Variants in GCC2 observed in about 807,000 individuals in gnomAD.
The protein encoded by GCC2 is GRIP and coiled-coil domain containing 2.
In GCC2, 120 loss-of-function variants were observed where a neutral mutation model predicts 210.6. The ratio of observed to expected loss-of-function variants is 0.57; its 90% CI spans 0.49 to 0.66. The LOEUF (loss-of-function observed/expected upper bound fraction) is 0.66, where lower values mean the gene tolerates loss of function less well. GCC2 is among the 30% of genes least tolerant of loss of function. The pLI is 0.00. For missense variants in GCC2, 1,868 were observed against 1,871.9 expected (o/e 1.00, Z 0.04); for synonymous variants, 703 against 652.7 (o/e 1.08, Z -1.17).
chr2:108,504,767 T>C (rs1374650569), intron 22 of GCC2, among the ~76,000 whole-genome samples: 1 of 152,198 alleles, frequency 6.6e-6, no homozygotes, highest in Non-Finnish European at 1.5e-5. Context: ...CATTTTTCTA[T>C]ATCTTCTTTG....
At position 108,471,857 on chromosome 2, in the gene GCC2, T is replaced by C; in HGVS notation, c.2528T>C (p.Leu843Ser). The C allele has an allele frequency of 6.2e-7, 1 of 1,613,178 alleles. No homozygotes were observed. The highest frequency in any genetic ancestry group is 1.7e-5 in the Admixed American group (1 of 59,876). ...GACTATGAGCAAGAGAAAGTTCTCT[T>C]AAGGAAAGAGTTAGAAGAAATACAG... ...LRDYEQEKVL[L>S]RKELEEIQSE... The change falls in exon 6 of 23, where the codon TTA becomes TCA. Residue 843 changes from leucine to serine, a missense_variant. Leu to Ser is a moderately radical substitution (Grantham distance 145). Transcript: ENST00000309863.
intron 22 of GCC2, among the ~76,000 whole-genome samples, chr2:108,501,149 G>C (rs918144141): frequency 7.9e-5 from 12 of 151,672 alleles, no homozygotes; most frequent in Non-Finnish European, 1.3e-4. Flanking sequence ...ATGCACGCCA[G>C]CTAATTTTTC....
At chr2:108,464,211 A>G (rs1358977842) in intron 4 of GCC2, among the ~76,000 whole-genome samples, 1 of 152,168 alleles carries the variant, frequency 6.6e-6, no homozygotes, top group African/African-American at 2.4e-5. Context: ...ATAGGTAGGC[A>G]GCATCACCTG....
chr2:108,485,902 C>A lies in GCC2; in HGVS notation c.3786C>A (p.Val1262=). The change falls in exon 15 of 23, where the codon GTC becomes GTA. Residue 1262 remains valine, a synonymous_variant. Transcript: ENST00000309863. ...ELEASQQQVE[V]YKIQLAEITS... ...AGGCAAGCCAGCAGCAAGTAGAAGTCTATAAAGTAAGGGTTTTACTTTTTA... is the reference window on the plus strand; with the variant it reads ...AGGCAAGCCAGCAGCAAGTAGAAGTATATAAAGTAAGGGTTTTACTTTTTA... 6.5e-7 allele frequency: 1 copy of A among 1,541,940 alleles called. No homozygotes were observed.
In GCC2 at chr2:108,471,144, T is replaced by C. The variant is rs1681192459; in HGVS notation, c.1815T>C (p.Asn605=). The change falls in exon 6 of 23, where the codon AAT becomes AAC. Residue 605 remains asparagine (N), a synonymous_variant. Coordinates refer to ENST00000309863, the MANE Select transcript of GCC2 (RefSeq NM_181453.4). ...ATGATTTTATAAATAAACTGAAAAA[T>C]TCCCATGAAGAAATGGATAATTTCC... is the stretch of plus-strand genomic sequence containing the variant. ...EKDDFINKLK[N]SHEEMDNFHK... is the part of the protein sequence containing the mutation. 1 of 1,589,888 alleles carries C rather than the reference T, an allele frequency of 6.3e-7. No individual in the cohort carries two copies. Among genetic ancestry groups the C allele is most frequent in the Admixed American group, 1.7e-5 (1 of 58,160 alleles).
intron 7 of GCC2, chr2:108,475,278 A>AT (rs1681448664): frequency 4.2e-6 from 1 of 238,460 alleles, no homozygotes; most frequent in African/African-American, 2.3e-5. Flanking sequence ...AAAGCCTCTA[A>AT]TTCCTGGAAA....
Position 108,453,186 on chromosome 2 carries a change from A to G in GCC2, c.216+720A>G, listed in dbSNP as rs556712048. 3.9e-5 allele frequency among the ~76,000 whole-genome samples: 6 copies of G among 152,268 alleles called. 1 individual carries two copies. Among genetic ancestry groups the G allele is most frequent in the Admixed American group, 3.9e-4 (6 of 15,300 alleles). On this transcript the variant is annotated intron_variant, in intron 4 of 22. Transcript: ENST00000309863. Reference sequence around the variant, plus strand: ...CTCACACATTTCACTTATCTCATCAAACTCAACCAAATTGCTTCCCTTGGT... The same window carrying G: ...CTCACACATTTCACTTATCTCATCAGACTCAACCAAATTGCTTCCCTTGGT...
At chr2:108,456,948 T>TAA (rs59458748) in intron 4 of GCC2, among the ~76,000 whole-genome samples, 3,713 of 133,620 alleles carry the variant, frequency 0.028, 88 homozygotes, top group South Asian at 0.13. Context: ...AGCCCTTACA[T>TAA]AAAAAAAAAA....
intron 4 of GCC2, among the ~76,000 whole-genome samples, chr2:108,465,217 CT>C (rs1680814682): frequency 1.3e-5 from 2 of 152,172 alleles, no homozygotes; most frequent in Non-Finnish European, 2.9e-5. Context: ...TGTGTTCTCT[CT>C]TGGATGATCT....
intron 22 of GCC2, among the ~76,000 whole-genome samples, chr2:108,502,686 T>G (rs1485267964): frequency 6.6e-6 from 1 of 152,052 alleles, no homozygotes; most frequent in East Asian, 1.9e-4. Context: ...TCCAGCACTT[T>G]GGGAGGCTGA....
At chr2:108,452,512 T>C in intron 4 of GCC2, 46 bp downstream of exon 4, 1 of 1,132,854 alleles carries the variant, frequency 8.8e-7, no homozygotes, top group South Asian at 1.3e-5. Flanking sequence ...AAAATTTCCC[T>C]GAGGATTGTC....
rs746492141 is a variant in GCC2, at chr2:108,482,431, C to A, written c.3325C>A (p.Gln1109Lys). 3.9e-6 allele frequency: 6 copies of A among 1,551,924 alleles called. No individual in the cohort carries two copies. The South Asian group carries it at 5.7e-5, about 15-fold the overall frequency. Residue 1109 changes from glutamine to lysine, a missense_variant, in exon 11 of 23, where the codon CAG (glutamine) becomes AAG (lysine). Gln to Lys is a moderately conservative substitution (Grantham distance 53). Around this residue, in one of 3 missense-constraint regions of GCC2, gnomAD observed 1,847 missense variants for 1,765.2 expected, o/e 1.05. Coordinates refer to ENST00000309863, the MANE Select transcript of GCC2 (RefSeq NM_181453.4). ...VDKELEAEKL[Q>K]KEQKIKEHAT... ...CAAAGAATTAGAAGCTGAAAAACTT[C>A]AGAAAGAACAGAAGATAAAGGTAAA...
At chr2:108,491,784 TA>T (rs67531140) in intron 18 of GCC2, among the ~76,000 whole-genome samples, 3,019 of 150,524 alleles carry the variant, frequency 0.02, 45 homozygotes, top group Non-Finnish European at 0.027. Flanking sequence ...TTTATTTATT[TA>T]TTTTTTTTAC....
Position 108,470,998 on chromosome 2 carries a change from C to T in GCC2, c.1669C>T (p.Leu557Phe), listed in dbSNP as rs1681183539. ...LLSQQELVPE[L>F]ENTIKNLQEK... ...ATCTCAACAAGAATTGGTACCAGAACTTGAAAATACCATAAAGAACCTTCA... is the reference window on the plus strand; with the variant it reads ...ATCTCAACAAGAATTGGTACCAGAATTTGAAAATACCATAAAGAACCTTCA... The change falls in exon 6 of 23, where the codon CTT (leucine) becomes TTT (phenylalanine). Residue 557 changes from leucine to phenylalanine, a missense_variant. By Grantham distance (22) the Leu-to-Phe change is conservative (BLOSUM62 0). Around this residue, in one of 3 missense-constraint regions of GCC2, gnomAD observed 1,847 missense variants for 1,765.2 expected, o/e 1.05. Transcript: ENST00000309863. 2.5e-6 allele frequency: 4 copies of T among 1,612,992 alleles called. No homozygotes were observed. Among genetic ancestry groups the T allele is most frequent in the Non-Finnish European group, 3.4e-6 (4 of 1,179,362 alleles).
intron 11 of GCC2, 130 bp from the exon 12 acceptor site, chr2:108,482,932 G>A (rs547158755): frequency 3.5e-4 from 213 of 612,618 alleles, no homozygotes; most frequent in African/African-American, 2.9e-3. Context: ...CACCCGCCTC[G>A]GCCTCCCAAA....
At chr2:108,502,161 A>AT (rs1253801502) in intron 22 of GCC2, among the ~76,000 whole-genome samples, 1 of 152,210 alleles carries the variant, frequency 6.6e-6, no homozygotes, top group Non-Finnish European at 1.5e-5. Flanking sequence ...ATTATAACTA[A>AT]TTTTATAGTT....
At chr2:108,491,797 A>T in intron 18 of GCC2, among the ~76,000 whole-genome samples, 1 of 151,278 alleles carries the variant, frequency 6.6e-6, no homozygotes. Flanking sequence ...TTTTTTTACC[A>T]AAGCCAAACA....
chr2:108,449,857 G>C, intron 2 of GCC2, 168 bp downstream of exon 2: 1 of 592,362 alleles, frequency 1.7e-6, no homozygotes. Flanking sequence ...TTTCTCCCCC[G>C]CCCACCCCGA....
At chr2:108,501,758 A>G (rs3171947) in intron 22 of GCC2, among the ~76,000 whole-genome samples, 9 of 152,312 alleles carry the variant, frequency 5.9e-5, no homozygotes, top group South Asian at 2.1e-4. Context: ...TCTGGTCTGG[A>G]GCCCATACCT....
Sources: allele counts gnomAD v4.1 joint callset (sites outside exome capture counted in the v4.1 genomes callset), GRCh38; gene constraint gnomAD v4.1.1; regional missense constraint gnomAD v4.1.1; transcripts MANE v1.5; gene names NCBI Gene and HGNC (gene_info 2026-07-23, HGNC 2026-07-21).